ALX1: variants seen among roughly 807,000 people sequenced by gnomAD.
ALX1 encodes the protein ALX homeobox protein 1.
Under a neutral mutation model 31.7 loss-of-function variants are expected in ALX1, and 19 were observed. That is an observed-to-expected ratio of 0.60 (90% CI 0.42 to 0.88). The LOEUF is 0.88. ALX1 is among the 40% of genes least tolerant of loss of function. The pLI, the probability that ALX1 is intolerant of heterozygous loss-of-function variation, is 0.00. For synonymous variants in ALX1, 153 were observed against 148.8 expected (o/e 1.03, Z -0.20); for missense variants, 415 against 407.8 (o/e 1.02, Z -0.15).
intron 3 of ALX1, among the ~76,000 whole-genome samples, chr12:85,300,324 G>A (rs67437940): frequency 0.13 from 20,299 of 151,796 alleles, 1,825 homozygotes; most frequent in Middle Eastern, 0.2. Context: ...TGAATATCTC[G>A]GGTGTGAATG....
chr12:85,287,569 A>G (rs1398929698), intron 3 of ALX1, among the ~76,000 whole-genome samples: 2 of 151,452 alleles, frequency 1.3e-5, no homozygotes, highest in African/African-American at 4.8e-5. Context: ...TTAATCACAG[A>G]TGAGTAACAG....
chr12:85,280,942 G>A (rs796569687), intron 1 of ALX1, among the ~76,000 whole-genome samples: 6 of 152,042 alleles, frequency 3.9e-5, no homozygotes, highest in African/African-American at 1.4e-4. Context: ...AAAAAAACCG[G>A]AAAACAAAAA....
At chr12:85,296,075 G>C (rs1359175587) in intron 3 of ALX1, among the ~76,000 whole-genome samples, 1 of 151,174 alleles carries the variant, frequency 6.6e-6, no homozygotes, top group East Asian at 1.9e-4. Flanking sequence ...CTTTTAAAAG[G>C]CTTTTTTAGA....
intron 2 of ALX1, among the ~76,000 whole-genome samples, chr12:85,286,071 A>G (rs1273002710): frequency 6.6e-6 from 1 of 151,886 alleles, no homozygotes; most frequent in Non-Finnish European, 1.5e-5. Context: ...TATCTGCCCT[A>G]TTTCTTATAT....
chr12:85,283,700 C>T lies in ALX1; in HGVS notation c.355C>T (p.Leu119Phe). The T allele has an allele frequency of 6.2e-7, 1 of 1,614,146 alleles. No individual in the cohort carries two copies. The highest frequency in any genetic ancestry group is 2.2e-5 in the East Asian group (1 of 44,882). ...GMQEKGELDE[L>F]GDKCDSNVSS... ...GCAAGAGAAGGGAGAGCTGGATGAA[C>T]TTGGGGATAAATGTGATAGCAATGT... is the stretch of plus-strand genomic sequence containing the variant. Residue 119 changes from leucine (L) to phenylalanine (F), a missense_variant, in exon 2 of 4, where the codon CTT (leucine) becomes TTT (phenylalanine). By Grantham distance (22) the Leu-to-Phe change is conservative (BLOSUM62 0). This residue lies in a region of ALX1 where 235 missense variants were observed against 208.9 expected (regional missense o/e 1.13). Transcript: ENST00000316824.
chr12:85,280,726 C>G (rs1016535159), intron 1 of ALX1, among the ~76,000 whole-genome samples: 26 of 152,150 alleles, frequency 1.7e-4, no homozygotes, highest in African/African-American at 5.3e-4. Context: ...GAGCGATTCT[C>G]CTTTCGCTGT....
At chr12:85,295,371 A>G (rs1896873598) in intron 3 of ALX1, among the ~76,000 whole-genome samples, 1 of 151,588 alleles carries the variant, frequency 6.6e-6, no homozygotes, top group Non-Finnish European at 1.5e-5. Flanking sequence ...GGAATATACT[A>G]GTGAATTTCA....
chr12:85,292,819 C>A (rs1896835815), intron 3 of ALX1, among the ~76,000 whole-genome samples: 1 of 150,846 alleles, frequency 6.6e-6, no homozygotes, highest in African/African-American at 2.4e-5. Context: ...TCTCCTTCAA[C>A]CACTGTGGTT....
At position 85,283,426 on chromosome 12, in the gene ALX1, T is replaced by C. The variant is rs575377607; in HGVS notation, c.227-146T>C. 12 of 819,090 alleles carry C rather than the reference T, an allele frequency of 1.5e-5. 1 individual carries two copies. The highest frequency in any genetic ancestry group is 2.4e-5 in the Non-Finnish European group (12 of 510,102). 50.7% of individuals were successfully genotyped at this position (819,090 alleles called of 1,614,324 possible). A position where few individuals can be genotyped will look rare whatever the true frequency, so the allele number is the denominator to read the frequency against. On this transcript the variant is annotated intron_variant, in intron 1 of 3. Coordinates refer to ENST00000316824, the MANE Select transcript of ALX1 (RefSeq NM_006982.3). ...AACCTGTCCTACAATGAATTAAGTATAGAAATGTGGTAATTGAATTAATAC... is the reference window on the plus strand; with the variant it reads ...AACCTGTCCTACAATGAATTAAGTACAGAAATGTGGTAATTGAATTAATAC...
intron 3 of ALX1, among the ~76,000 whole-genome samples, chr12:85,298,853 AT>A (rs1440620395): frequency 6.6e-6 from 1 of 151,750 alleles, no homozygotes; most frequent in Non-Finnish European, 1.5e-5. Flanking sequence ...TCAAAATAAA[AT>A]TTGCTTTTTT....
intron 3 of ALX1, among the ~76,000 whole-genome samples, chr12:85,300,162 T>C (rs2137395301): frequency 6.6e-6 from 1 of 152,114 alleles, no homozygotes. Context: ...TTTAAATAGC[T>C]TGTATATTAA....
chr12:85,296,627 A>T (rs548032208), intron 3 of ALX1, among the ~76,000 whole-genome samples: 170 of 149,524 alleles, frequency 1.1e-3, no homozygotes, highest in African/African-American at 4.2e-3. Flanking sequence ...CCTAATATTT[A>T]AAAAAAAAGT....
intron 3 of ALX1, among the ~76,000 whole-genome samples, chr12:85,289,466 C>T (rs1360299136): frequency 5.3e-5 from 8 of 151,120 alleles, no homozygotes; most frequent in African/African-American, 1.9e-4. Context: ...TCATCTTTTT[C>T]ACTCCAATGA....
chr12:85,299,484 G>A (rs1896934155), intron 3 of ALX1, among the ~76,000 whole-genome samples: 1 of 151,028 alleles, frequency 6.6e-6, no homozygotes, highest in South Asian at 2.1e-4. Flanking sequence ...GTTTAGATAT[G>A]GATATGTAGA....
At chr12:85,286,811 A>G in intron 2 of ALX1, 42 bp from the exon 3 acceptor site, 1 of 1,503,494 alleles carries the variant, frequency 6.7e-7, no homozygotes, top group Middle Eastern at 1.8e-4. Context: ...TGCTTTATCA[A>G]ATATTCCTTA....
At position 85,280,295 on chromosome 12, in the gene ALX1, A is replaced by T; in HGVS notation, c.34A>T (p.Ser12Cys). Reference protein sequence around the residue: ...EFLSEKFALKSPPSKNSDFYM... With the variant: ...EFLSEKFALKCPPSKNSDFYM... ...TCTGAGCGAGAAGTTTGCCCTCAAG[A>T]GCCCTCCGAGTAAAAACAGTGACTT... The change falls in exon 1 of 4, where the codon AGC (serine) becomes TGC (cysteine). Residue 12 changes from serine to cysteine, a missense_variant. Transcript: ENST00000316824. The T allele has an allele frequency of 6.2e-7, 1 of 1,613,544 alleles. No individual in the cohort carries two copies. Among genetic ancestry groups the T allele is most frequent in the Non-Finnish European group, 8.5e-7 (1 of 1,180,006 alleles).
chr12:85,292,379 C>T (rs1896829492), intron 3 of ALX1, among the ~76,000 whole-genome samples: 1 of 151,012 alleles, frequency 6.6e-6, no homozygotes, highest in South Asian at 2.1e-4. Flanking sequence ...AAGTGCTTTT[C>T]CCACCAAAAT....
At position 85,282,245 on chromosome 12, in the gene ALX1, T is replaced by TTA. The variant is rs969516699; in HGVS notation, c.227-1314_227-1313dup. On this transcript the variant is annotated intron_variant, in intron 1 of 3. Coordinates refer to ENST00000316824, the MANE Select transcript of ALX1 (RefSeq NM_006982.3). ...GAAAACCGTTAATTTAAAAAATTTGTTATATATATATATAGACAAATTATA... is the reference window on the plus strand; with the variant it reads ...GAAAACCGTTAATTTAAAAAATTTGTTATATATATATATATAGACAAATTATA... 1.7e-3 allele frequency among the ~76,000 whole-genome samples: 264 copies of TTA among 151,404 alleles called. 1 individual carries two copies. Among genetic ancestry groups the TTA allele is most frequent in the South Asian group, 3.1e-3 (15 of 4,804 alleles).
At chr12:85,285,916 A>C (rs1896741069) in intron 2 of ALX1, among the ~76,000 whole-genome samples, 1 of 151,928 alleles carries the variant, frequency 6.6e-6, no homozygotes, top group Non-Finnish European at 1.5e-5. Context: ...GGAATATTAC[A>C]GGTATGAATT....
Sources: allele counts gnomAD v4.1 joint callset (sites outside exome capture counted in the v4.1 genomes callset), GRCh38; gene constraint gnomAD v4.1.1; regional missense constraint gnomAD v4.1.1; transcripts MANE v1.5; gene names NCBI Gene and HGNC (gene_info 2026-07-23, HGNC 2026-07-21).